Variants in GPHN observed in about 807,000 individuals in gnomAD.
GPHN encodes the protein gephyrin.
GPHN carries 17 observed loss-of-function variants against 95.5 expected under a neutral mutation model. That is an observed-to-expected ratio of 0.18 (90% CI 0.12 to 0.27). The LOEUF (loss-of-function observed/expected upper bound fraction) is 0.27. GPHN is among the 10% of genes least tolerant of loss of function. The probability of loss-of-function intolerance (pLI) is 1.00; values close to 1 mark genes in which losing one functional copy is unlikely to be tolerated. For synonymous variants in GPHN, 320 were observed against 322.5 expected (o/e 0.99, Z 0.08); for missense variants, 660 against 978.1 (o/e 0.67, Z 4.34).
chr14:66,688,621 T>G (rs960707588), intron 2 of GPHN, among the ~76,000 whole-genome samples: 3 of 152,192 alleles, frequency 2.0e-5, no homozygotes, highest in African/African-American at 7.2e-5. Flanking sequence ...TTTCTATATG[T>G]CGTCTACAAC....
chr14:66,962,714 C>T (rs2069036163), intron 8 of GPHN, among the ~76,000 whole-genome samples: 1 of 151,300 alleles, frequency 6.6e-6, no homozygotes, highest in South Asian at 2.1e-4. Context: ...TTCTTTTCAG[C>T]TCTCTCTCTC....
chr14:67,644,605 T>C, the GPHN span, among the ~76,000 whole-genome samples: 2 of 152,184 alleles, frequency 1.3e-5, no homozygotes, highest in Non-Finnish European at 2.9e-5. Flanking sequence ...TTCCAACATT[T>C]ATTTCATCAG....
chr14:67,708,452 C>T, the GPHN span, among the ~76,000 whole-genome samples: 3 of 152,084 alleles, frequency 2.0e-5, no homozygotes, highest in African/African-American at 4.8e-5. Context: ...GATTATAAAA[C>T]CACCTTCTAA....
At chr14:66,951,505 A>C (rs1416932168) in intron 8 of GPHN, among the ~76,000 whole-genome samples, 1 of 148,924 alleles carries the variant, frequency 6.7e-6, no homozygotes, top group African/African-American at 2.5e-5. Context: ...ACAGAACAAA[A>C]CTTCATCTCA....
chr14:66,557,233 GTAGGTAGA>G (rs200533677), intron 1 of GPHN, among the ~76,000 whole-genome samples: 2,174 of 135,346 alleles, frequency 0.016, 34 homozygotes, highest in African/African-American at 0.03. Flanking sequence ...AGATACATAG[GTAGGTAGA>G]TAGATAGATA....
At chr14:66,986,213 T>C (rs1316469614) in intron 9 of GPHN, among the ~76,000 whole-genome samples, 1 of 152,150 alleles carries the variant, frequency 6.6e-6, no homozygotes, top group Non-Finnish European at 1.5e-5. Context: ...TAACAATATG[T>C]ATTCAATACA....
At chr14:67,038,229 A>G (rs1594895073) in intron 10 of GPHN, among the ~76,000 whole-genome samples, 2 of 152,130 alleles carry the variant, frequency 1.3e-5, no homozygotes, top group African/African-American at 2.4e-5. Flanking sequence ...TCATGGTTCT[A>G]CTTATATGAG....
At chr14:66,708,954 A>T (rs2069354450) in intron 2 of GPHN, among the ~76,000 whole-genome samples, 1 of 152,160 alleles carries the variant, frequency 6.6e-6, no homozygotes, top group Non-Finnish European at 1.5e-5. Flanking sequence ...ATAGTCTATT[A>T]TACATAAGTA....
chr14:67,055,762 A>C (rs1405407975), intron 10 of GPHN, among the ~76,000 whole-genome samples: 2 of 152,218 alleles, frequency 1.3e-5, no homozygotes, highest in Non-Finnish European at 2.9e-5. Flanking sequence ...GGACCCTCGC[A>C]GTGAGTGTTA....
intron 2 of GPHN, among the ~76,000 whole-genome samples, chr14:66,736,366 A>AT (rs1225724938): frequency 1.4e-5 from 2 of 147,562 alleles, no homozygotes; most frequent in African/African-American, 2.5e-5. Context: ...TTTTCATTGA[A>AT]TTTTTTATTT....
the GPHN span, chr14:67,350,706 C>T: frequency 6.2e-7 from 1 of 1,609,806 alleles, no homozygotes; most frequent in Non-Finnish European, 8.5e-7. Context: ...AAAGCATAAA[C>T]CAACAGCAGA....
At chr14:66,718,601 C>T (rs1337683578) in intron 2 of GPHN, among the ~76,000 whole-genome samples, 1 of 152,178 alleles carries the variant, frequency 6.6e-6, no homozygotes, top group African/African-American at 2.4e-5. Flanking sequence ...CTGATTGGTC[C>T]ATTTTACAGA....
At chr14:67,619,924 C>T in the GPHN span, 3 of 1,291,140 alleles carry the variant, frequency 2.3e-6, no homozygotes, top group Non-Finnish European at 3.1e-6. Flanking sequence ...GCGCTCACTC[C>T]CGGCTTCCAA....
At chr14:66,530,894 G>A (rs1031482969) in intron 1 of GPHN, among the ~76,000 whole-genome samples, 1 of 150,704 alleles carries the variant, frequency 6.6e-6, no homozygotes, top group African/African-American at 2.5e-5. Flanking sequence ...GATCGAAGCT[G>A]TTCCTATTCG....
the GPHN span, among the ~76,000 whole-genome samples, chr14:67,662,317 C>T: frequency 2.6e-5 from 4 of 152,078 alleles, no homozygotes; most frequent in Non-Finnish European, 1.5e-5. Flanking sequence ...TTTGCCAAAC[C>T]CCCTCAACAA....
At chr14:66,876,716 A>G (rs1325011154) in intron 4 of GPHN, among the ~76,000 whole-genome samples, 2 of 152,196 alleles carry the variant, frequency 1.3e-5, no homozygotes, top group African/African-American at 4.8e-5. Context: ...ATCCCTGACT[A>G]GACCAATAAC....
the GPHN span, chr14:67,332,966 C>T: frequency 6.3e-7 from 1 of 1,596,364 alleles, no homozygotes; most frequent in Non-Finnish European, 8.6e-7. Flanking sequence ...AAAGAAACAT[C>T]CATTCTGTGG....
the GPHN span, among the ~76,000 whole-genome samples, chr14:67,213,081 T>C: frequency 6.8e-6 from 1 of 146,830 alleles, no homozygotes; most frequent in Non-Finnish European, 1.5e-5. Flanking sequence ...GGATGGGGCA[T>C]AGAATTCTGT....
chr14:67,081,937 A>G (rs1270087539), intron 11 of GPHN, among the ~76,000 whole-genome samples: 1 of 152,036 alleles, frequency 6.6e-6, no homozygotes, highest in Non-Finnish European at 1.5e-5. Context: ...TGGGTTCTCT[A>G]TTCTCTTTCA....
Sources: gnomAD v4.1 joint callset for allele counts (sites outside exome capture counted in the v4.1 genomes callset) on GRCh38, gnomAD v4.1.1 for gene constraint, MANE v1.5 for transcripts, NCBI Gene and HGNC (gene_info 2026-07-23, HGNC 2026-07-21) for gene names.